Variants in PACS1 observed in about 807,000 individuals in gnomAD.
PACS1 encodes PACS-1.
A neutral mutation model predicts 115.0 loss-of-function variants in PACS1; 24 were observed. That is an observed-to-expected ratio of 0.21 (90% CI 0.15 to 0.29). PACS1 has a LOEUF of 0.29. Among genes scored for constraint, PACS1 ranks in the 10% least tolerant of loss-of-function variants. The probability of loss-of-function intolerance (pLI) is 1.00; values close to 1 mark genes in which losing one functional copy is unlikely to be tolerated. For synonymous variants in PACS1, 453 were observed against 504.5 expected, an observed-to-expected ratio of 0.90 and a Z score of 1.37; for missense variants, 838 against 1,251.2, an observed-to-expected ratio of 0.67 and a Z score of 4.98.
At chr11:66,123,895 G>T (rs1858508414) in intron 1 of PACS1, among the ~76,000 whole-genome samples, 1 of 151,510 alleles carries the variant, frequency 6.6e-6, no homozygotes, top group Admixed American at 6.6e-5. Context: ...CTACTGTATA[G>T]TGTAAACATA....
At chr11:66,212,932 C>T (rs749839600) in intron 4 of PACS1, among the ~76,000 whole-genome samples, 6 of 152,224 alleles carry the variant, frequency 3.9e-5, no homozygotes, top group Non-Finnish European at 8.8e-5. Flanking sequence ...TCACTGCAAC[C>T]TCTACCTCCC....
At chr11:66,211,708 A>C (rs572135474) in intron 4 of PACS1, among the ~76,000 whole-genome samples, 2 of 152,272 alleles carry the variant, frequency 1.3e-5, no homozygotes, top group Non-Finnish European at 2.9e-5. Context: ...TAACATGAGA[A>C]TACTCTGCTG....
chr11:66,084,499 A>C (rs901450870), intron 1 of PACS1, among the ~76,000 whole-genome samples: 1 of 151,854 alleles, frequency 6.6e-6, no homozygotes, highest in South Asian at 2.1e-4. Flanking sequence ...ACCCCTGACC[A>C]CTGTGTGTGG....
At chr11:66,091,841 G>A (rs539118010) in intron 1 of PACS1, among the ~76,000 whole-genome samples, 53 of 152,080 alleles carry the variant, frequency 3.5e-4, no homozygotes, top group African/African-American at 1.2e-3. Context: ...TCCCTACAAA[G>A]GACATGAACT....
chr11:66,233,670 T>G lies in PACS1; in HGVS notation c.1839-115T>G. ...GATCCTCTCTGTTTTATTTTGTGGA[T>G]TGGTTTGCTTTTCCCCTGTGGGTTG... On this transcript the variant is annotated intron_variant, in intron 15 of 23. Coordinates refer to ENST00000320580, the MANE Select transcript of PACS1 (RefSeq NM_018026.4). This position sits in a 1 kb window ranked among gnomAD's most constrained non-coding sequence, Gnocchi z 4.5. 1.1e-6 allele frequency: 1 copy of G among 931,840 alleles called. No individual in the cohort carries two copies. The highest frequency in any genetic ancestry group is 1.7e-5 in the South Asian group (1 of 60,032). The allele number at this position is 931,840 out of a possible 1,614,324, so 57.7% of individuals were successfully genotyped here.
chr11:66,241,784 A>T, intron 22 of PACS1, 131 bp downstream of exon 22: 1 of 700,848 alleles, frequency 1.4e-6, no homozygotes, highest in Non-Finnish European at 2.4e-6. Context: ...CATGGGGTGC[A>T]GAGGGGGCAG....
At chr11:66,232,618 C>T (rs1011983139) in intron 14 of PACS1, among the ~76,000 whole-genome samples, 2 of 152,226 alleles carry the variant, frequency 1.3e-5, no homozygotes, top group Non-Finnish European at 2.9e-5. Context: ...CTGTAACCTC[C>T]AGGGCTGCCC....
rs967212863 is a variant in PACS1, at chr11:66,080,706, C to T, written c.356+9864C>T. On this transcript the variant is annotated intron_variant, in intron 1 of 23. Transcript: ENST00000320580. ...CTGTGTTTAAACTTGGTCCCCCAAG[C>T]CCTGTCTGGTTCTCATAGCTGACAA... 2.0e-5 allele frequency among the ~76,000 whole-genome samples: 3 copies of T among 152,298 alleles called. No individual in the cohort carries two copies. In the South Asian group the frequency reaches 6.2e-4, roughly 32 times the overall value.
At chr11:66,156,009 G>A (rs1859345028) in intron 1 of PACS1, among the ~76,000 whole-genome samples, 1 of 151,860 alleles carries the variant, frequency 6.6e-6, no homozygotes, top group African/African-American at 2.4e-5. Flanking sequence ...CCAGTGGATA[G>A]TGACAATAAA....
At chr11:66,239,301 C>T in intron 21 of PACS1, 24 bp downstream of exon 21, 1 of 1,592,742 alleles carries the variant, frequency 6.3e-7, no homozygotes, top group Non-Finnish European at 8.6e-7. Context: ...CCGTACCTGT[C>T]CTGCCATGCC....
At chr11:66,139,499 C>T (rs1221080539) in intron 1 of PACS1, among the ~76,000 whole-genome samples, 3 of 151,266 alleles carry the variant, frequency 2.0e-5, no homozygotes, top group Admixed American at 2.0e-4. Flanking sequence ...CCTAACCCCA[C>T]CACTACCCTT....
At chr11:66,118,734 C>T (rs1184685485) in intron 1 of PACS1, among the ~76,000 whole-genome samples, 1 of 129,946 alleles carries the variant, frequency 7.7e-6, no homozygotes, top group African/African-American at 2.9e-5. Context: ...TAAGACCAGC[C>T]TGGGCTTAGG....
intron 7 of PACS1, among the ~76,000 whole-genome samples, chr11:66,219,001 G>A (rs531667656): frequency 2.0e-5 from 3 of 152,220 alleles, no homozygotes; most frequent in South Asian, 2.1e-4. Context: ...CTTCGGACAC[G>A]TACAGGCCTG....
At chr11:66,153,553 G>A in intron 1 of PACS1, among the ~76,000 whole-genome samples, 1 of 152,084 alleles carries the variant, frequency 6.6e-6, no homozygotes, top group East Asian at 1.9e-4. Context: ...AGGCTCAGGT[G>A]GGCGGATCAC....
chr11:66,106,897 C>T lies in PACS1; in HGVS notation c.356+36055C>T, dbSNP rs150644756. ...TTTTGTGTTTCTTCTACCAAACTAC[C>T]TTTCCAGGATATCTACAGTTGGTGT... On this transcript the variant is annotated intron_variant, in intron 1 of 23. Transcript: ENST00000320580. Among the ~76,000 whole-genome samples the T allele has an allele frequency of 2.0e-5, 3 of 152,276 alleles. No individual in the cohort carries two copies. In the East Asian group the frequency reaches 5.8e-4, roughly 29 times the overall value.
At chr11:66,223,465 C>T (rs931463727) in intron 10 of PACS1, among the ~76,000 whole-genome samples, 3 of 151,990 alleles carry the variant, frequency 2.0e-5, no homozygotes, top group African/African-American at 7.2e-5. Flanking sequence ...CCAGCCACCT[C>T]ACTTTCTTTG....
intron 11 of PACS1, 173 bp from the exon 12 acceptor site, chr11:66,230,375 C>CA: frequency 1.6e-6 from 1 of 608,922 alleles, no homozygotes; most frequent in East Asian, 2.8e-5. Context: ...CACCCGTGAA[C>CA]AGTGGCGATT....
chr11:66,132,497 A>G (rs1858726741), intron 1 of PACS1, among the ~76,000 whole-genome samples: 1 of 152,180 alleles, frequency 6.6e-6, no homozygotes, highest in South Asian at 2.1e-4. Context: ...CATATAACCT[A>G]CACACATCCT....
chr11:66,084,545 T>A (rs1056436578), intron 1 of PACS1, among the ~76,000 whole-genome samples: 1 of 151,914 alleles, frequency 6.6e-6, no homozygotes, highest in African/African-American at 2.4e-5. Context: ...GCTGTGATGA[T>A]CTAGGTGGGA....
Sources: gnomAD v4.1 joint callset for allele counts (sites outside exome capture counted in the v4.1 genomes callset) on GRCh38, gnomAD v4.1.1 for gene constraint, Gnocchi (gnomAD v3.1) non-coding constraint, MANE v1.5 for transcripts, NCBI Gene and HGNC (gene_info 2026-07-23, HGNC 2026-07-21) for gene names.